EPB41L3: variants seen among roughly 807,000 people sequenced by gnomAD.
EPB41L3 encodes band 4.1-like protein 3.
In EPB41L3, 57 loss-of-function variants were observed where a neutral mutation model predicts 127.1. The observed-to-expected ratio is 0.45, with a 90% CI of 0.36 to 0.56. The LOEUF (loss-of-function observed/expected upper bound fraction) is 0.56. Among genes scored for constraint, EPB41L3 ranks in the 20% least tolerant of loss-of-function variants. The pLI is 0.00. For synonymous variants in EPB41L3, 572 were observed against 549.5 expected (o/e 1.04, Z -0.57); for missense variants, 1,273 against 1,372.2 (o/e 0.93, Z 1.14).
chr18:5,445,080 C>CT lies in EPB41L3; in HGVS notation c.486+59dup, dbSNP rs878941222. ...GATCCACCCATTCAGTTTCAGTTCA[C>CT]TTTCTGGCAGTAATGAGCAGTTCAA... On this transcript the variant is annotated intron_variant, in intron 4 of 22. Transcript: ENST00000341928. 18 of 1,306,548 alleles carry CT rather than the reference C, an allele frequency of 1.4e-5. No individual in the cohort carries two copies. The South Asian group carries it at 2.2e-4, about 16-fold the overall frequency. 80.9% of individuals were successfully genotyped at this position (1,306,548 alleles called of 1,614,324 possible).
chr18:5,402,201 A>G (rs1488917827), intron 16 of EPB41L3, among the ~76,000 whole-genome samples: 1 of 150,316 alleles, frequency 6.7e-6, no homozygotes, highest in Non-Finnish European at 1.5e-5. Context: ...AAAAATCTCT[A>G]TCCCACTGCA....
chr18:5,501,444 A>G (rs955489555), intron 1 of EPB41L3, among the ~76,000 whole-genome samples: 32 of 152,328 alleles, frequency 2.1e-4, no homozygotes, highest in African/African-American at 7.7e-4. Context: ...ACAGAAACGA[A>G]CACCAATTAA....
At position 5,397,984 on chromosome 18, in the gene EPB41L3, ACATTCAG is replaced by A. The variant is rs1243069486; in HGVS notation, c.2472+30_2472+36del. 6.2e-7 allele frequency: 1 copy of A among 1,613,666 alleles called. No homozygotes were observed. ...AAAGGGTAAGGAAAGGCACATGGGC[ACATTCAG>A]AAACACCAAGGACGAAAACAAATGG... On this transcript the variant is annotated intron_variant, in intron 17 of 22. Transcript: ENST00000341928. The surrounding 1 kb of genome is among the most constrained non-coding windows in gnomAD (Gnocchi z 4.1).
At chr18:5,436,741 G>A (rs2079896774) in intron 6 of EPB41L3, among the ~76,000 whole-genome samples, 1 of 152,066 alleles carries the variant, frequency 6.6e-6, no homozygotes, top group Admixed American at 6.6e-5. Flanking sequence ...CCAGGTATAT[G>A]TGGGCTCTAA....
intron 1 of EPB41L3, among the ~76,000 whole-genome samples, chr18:5,515,005 T>G (rs1387285598): frequency 6.6e-6 from 1 of 152,240 alleles, no homozygotes; most frequent in Non-Finnish European, 1.5e-5. Context: ...GCCAACACTG[T>G]ATCAGTGACT....
chr18:5,399,138 C>G, intron 16 of EPB41L3: 1 of 399,068 alleles, frequency 2.5e-6, no homozygotes, highest in Non-Finnish European at 4.4e-6. Context: ...AGTAACAATT[C>G]TCCCGGAGAC....
intron 16 of EPB41L3, among the ~76,000 whole-genome samples, chr18:5,404,812 G>A (rs1040183294): frequency 1.3e-5 from 2 of 152,166 alleles, no homozygotes; most frequent in Non-Finnish European, 2.9e-5. Flanking sequence ...ACTTAATCCA[G>A]TATCTGATAT....
intron 3 of EPB41L3, among the ~76,000 whole-genome samples, chr18:5,551,614 G>A: frequency 6.6e-6 from 1 of 152,106 alleles, no homozygotes; most frequent in East Asian, 1.9e-4. Flanking sequence ...CAGGTACTCA[G>A]GAGGCTAAGG....
intron 3 of EPB41L3, chr18:5,610,223 G>A (rs959442595): frequency 2.0e-6 from 2 of 985,222 alleles, no homozygotes; most frequent in Non-Finnish European, 2.4e-6. Flanking sequence ...TTCCAAGTGA[G>A]ACAAGAAGGG....
At chr18:5,584,436 C>A (rs1054000496) in intron 3 of EPB41L3, among the ~76,000 whole-genome samples, 1 of 152,170 alleles carries the variant, frequency 6.6e-6, no homozygotes, top group Non-Finnish European at 1.5e-5. Flanking sequence ...ATTAAGGAGA[C>A]AGTAAGCTTT....
chr18:5,564,774 G>C (rs2094176675), intron 3 of EPB41L3, among the ~76,000 whole-genome samples: 1 of 151,930 alleles, frequency 6.6e-6, no homozygotes, highest in Admixed American at 6.6e-5. Flanking sequence ...ACTCCTACTG[G>C]ACTCCCTGCC....
intron 1 of EPB41L3, among the ~76,000 whole-genome samples, chr18:5,626,200 G>A (rs1201129226): frequency 2.0e-5 from 3 of 152,094 alleles, no homozygotes; most frequent in African/African-American, 7.2e-5. Flanking sequence ...GAGACCCTTA[G>A]CACTTCAGAA....
intron 3 of EPB41L3, chr18:5,570,945 A>G (rs2094271937): frequency 6.6e-6 from 1 of 152,234 alleles, no homozygotes; most frequent in African/African-American, 2.4e-5. Flanking sequence ...TCATTGTATC[A>G]AATGTCTGTA....
intron 2 of EPB41L3, 188 bp downstream of exon 2, chr18:5,488,813 C>T: frequency 1.8e-6 from 1 of 555,710 alleles, no homozygotes; most frequent in Non-Finnish European, 2.9e-6. Flanking sequence ...AAGGAGTTAC[C>T]AAGCAAGGTT....
At chr18:5,449,140 G>C (rs1381904185) in intron 3 of EPB41L3, among the ~76,000 whole-genome samples, 2 of 152,100 alleles carry the variant, frequency 1.3e-5, no homozygotes, top group Admixed American at 6.5e-5. Flanking sequence ...TTAAAACACA[G>C]TAAGAAAACA....
At chr18:5,393,608 T>C (rs1021060612) in intron 22 of EPB41L3, 130 bp from the exon 23 acceptor site, 18 of 587,310 alleles carry the variant, frequency 3.1e-5, no homozygotes, top group Non-Finnish European at 4.9e-5. Flanking sequence ...CATTCCAGCG[T>C]TAAGTCACTG....
intron 6 of EPB41L3, among the ~76,000 whole-genome samples, chr18:5,437,773 G>C (rs1031347694): frequency 6.6e-6 from 1 of 152,158 alleles, no homozygotes; most frequent in Non-Finnish European, 1.5e-5. Context: ...ATGGTAGGTG[G>C]ATGACAGTAT....
chr18:5,629,398 T>G (rs546808764), upstream of EPB41L3, among the ~76,000 whole-genome samples: 309 of 145,144 alleles, frequency 2.1e-3, 1 homozygote, highest in African/African-American at 7.7e-3. Context: ...AGGATCGCAC[T>G]CGCTCATCCT....
At chr18:5,526,442 G>C (rs146703961) in intron 1 of EPB41L3, among the ~76,000 whole-genome samples, 1 of 152,192 alleles carries the variant, frequency 6.6e-6, no homozygotes, top group Non-Finnish European at 1.5e-5. Flanking sequence ...GCACTGATCC[G>C]AGTGCCTCCT....
Sources: allele counts gnomAD v4.1 joint callset (sites outside exome capture counted in the v4.1 genomes callset), GRCh38; gene constraint gnomAD v4.1.1; non-coding constraint Gnocchi (gnomAD v3.1); transcripts MANE v1.5; gene names NCBI Gene and HGNC (gene_info 2026-07-23, HGNC 2026-07-21).